Variants in SUPT3H observed in about 807,000 individuals in gnomAD.
SUPT3H encodes SPT3 homolog, SAGA and STAGA complex component.
SUPT3H carries 44 observed loss-of-function variants against 44.3 expected under a neutral mutation model. That is an observed-to-expected ratio of 0.99 (90% CI 0.78 to 1.28). SUPT3H has a LOEUF of 1.28. Ranked by LOEUF, SUPT3H falls within the 50% of genes most tolerant of loss-of-function variation. The pLI, the probability that SUPT3H is intolerant of heterozygous loss-of-function variation, is 0.00. For synonymous variants in SUPT3H, 124 were observed against 125.6 expected, an observed-to-expected ratio of 0.99 and a Z score of 0.09; for missense variants, 380 against 387.1, an observed-to-expected ratio of 0.98 and a Z score of 0.15.
chr6:45,267,686 C>T (rs990230282), intron 2 of SUPT3H, among the ~76,000 whole-genome samples: 1 of 152,158 alleles, frequency 6.6e-6, no homozygotes, highest in Non-Finnish European at 1.5e-5. Context: ...TACTTCTCTG[C>T]CTCTTGACTT....
At chr6:44,976,287 G>C (rs1277993268) in intron 6 of SUPT3H, among the ~76,000 whole-genome samples, 1 of 152,082 alleles carries the variant, frequency 6.6e-6, no homozygotes, top group African/African-American at 2.4e-5. Flanking sequence ...AAAATGCTTT[G>C]CTTCAGATGT....
chr6:44,901,570 G>C (rs1765062385), intron 10 of SUPT3H, among the ~76,000 whole-genome samples: 1 of 151,932 alleles, frequency 6.6e-6, no homozygotes, highest in Admixed American at 6.6e-5. Context: ...AAGTGACAGG[G>C]AGAATGGAAC....
intron 2 of SUPT3H, among the ~76,000 whole-genome samples, chr6:45,233,063 CA>C (rs1768372189): frequency 6.6e-6 from 1 of 152,166 alleles, no homozygotes; most frequent in African/African-American, 2.4e-5. Flanking sequence ...GGGGCAGGGT[CA>C]CTTCTCACAG....
chr6:45,320,205 T>C (rs1032480248), intron 2 of SUPT3H, among the ~76,000 whole-genome samples: 4 of 152,096 alleles, frequency 2.6e-5, no homozygotes, highest in Non-Finnish European at 5.9e-5. Flanking sequence ...TCTTCATTAT[T>C]ACAAGTCATT....
intron 3 of SUPT3H, among the ~76,000 whole-genome samples, chr6:45,022,330 A>T (rs2153518958): frequency 6.6e-6 from 1 of 152,096 alleles, no homozygotes. Flanking sequence ...ACATTCTCCA[A>T]AGTATCAGTT....
At position 45,063,381 on chromosome 6, in the gene SUPT3H, A is replaced by G. The variant is rs953960935; in HGVS notation, c.186+42541T>C. Among the ~76,000 whole-genome samples the G allele has an allele frequency of 2.0e-5, 3 of 151,486 alleles. 1 individual carries two copies. The highest frequency in any genetic ancestry group is 7.4e-5 in the African/African-American group (3 of 40,812). ...GGGGAAAAAACAGAACAGAAACTGG[A>G]AACTCTAAAATGCAGAGCGTCTCTC... On this transcript the variant is annotated intron_variant, in intron 3 of 10. Transcript: ENST00000371459.
At chr6:44,824,049 ATGTCTTC>A (rs1767557727), downstream of SUPT3H, among the ~76,000 whole-genome samples, 3 of 152,286 alleles carry the variant, frequency 2.0e-5, no homozygotes, top group South Asian at 4.2e-4. Context: ...CCAGTCACTC[ATGTCTTC>A]TGTCAATTGG....
chr6:44,885,857 G>A (rs1169368227), intron 10 of SUPT3H, among the ~76,000 whole-genome samples: 2 of 152,004 alleles, frequency 1.3e-5, no homozygotes, highest in African/African-American at 4.8e-5. Flanking sequence ...CAAAGAAGGT[G>A]AAAACTTTGA....
chr6:45,366,201 T>C lies in SUPT3H; in HGVS notation c.1-900A>G, dbSNP rs184133807. ...ATTTTTTGCAGTTTCTAAAGAAGAA[T>C]GTAAGATATTTAGAACATATGATAA... On this transcript the variant is annotated intron_variant, in intron 1 of 10. Transcript: ENST00000371459. 4.8e-3 allele frequency among the ~76,000 whole-genome samples: 727 copies of C among 152,304 alleles called. 8 individuals carry two copies. The highest frequency in any genetic ancestry group is 5.4e-3 in the Non-Finnish European group (364 of 68,020).
intron 3 of SUPT3H, among the ~76,000 whole-genome samples, chr6:45,029,909 C>A (rs1786652122): frequency 6.6e-6 from 1 of 152,124 alleles, no homozygotes; most frequent in Admixed American, 6.6e-5. Flanking sequence ...GGACTACAGG[C>A]ACATGCCATC....
chr6:45,073,707 T>C (rs932909143), intron 3 of SUPT3H, among the ~76,000 whole-genome samples: 19 of 151,998 alleles, frequency 1.3e-4, no homozygotes, highest in South Asian at 2.1e-4. Context: ...CACAGCTAAA[T>C]AGTTTCAGAA....
chr6:45,290,264 G>T (rs978951007), intron 2 of SUPT3H, among the ~76,000 whole-genome samples: 1 of 151,968 alleles, frequency 6.6e-6, no homozygotes, highest in Non-Finnish European at 1.5e-5. Context: ...AAGTAAAAAG[G>T]CTCTTGCTTT....
At chr6:44,834,637 A>G (rs560081521) in intron 10 of SUPT3H, among the ~76,000 whole-genome samples, 1 of 152,182 alleles carries the variant, frequency 6.6e-6, no homozygotes, top group East Asian at 1.9e-4. Context: ...TTAACAGATG[A>G]AAAAACTAAT....
chr6:45,288,031 G>A (rs1356973576), intron 2 of SUPT3H, among the ~76,000 whole-genome samples: 3 of 152,096 alleles, frequency 2.0e-5, no homozygotes, highest in African/African-American at 7.2e-5. Flanking sequence ...AGCCATTCAT[G>A]TATTTTATGA....
At chr6:45,125,887 T>C (rs1026415110) in intron 2 of SUPT3H, among the ~76,000 whole-genome samples, 2 of 152,300 alleles carry the variant, frequency 1.3e-5, no homozygotes, top group South Asian at 2.1e-4. Flanking sequence ...TCCAAAATTG[T>C]ATTACTCTTT....
intron 2 of SUPT3H, among the ~76,000 whole-genome samples, chr6:45,290,237 T>A (rs1008593428): frequency 6.6e-6 from 1 of 152,130 alleles, no homozygotes; most frequent in Non-Finnish European, 1.5e-5. Flanking sequence ...TCAATCTAAA[T>A]TTTAAAATCA....
At chr6:45,148,410 T>C (rs184615178) in intron 2 of SUPT3H, among the ~76,000 whole-genome samples, 14 of 152,246 alleles carry the variant, frequency 9.2e-5, no homozygotes, top group Non-Finnish European at 1.9e-4. Flanking sequence ...TGCAAATGTG[T>C]CCCAATCCAA....
intron 2 of SUPT3H, among the ~76,000 whole-genome samples, chr6:45,258,033 G>A (rs909192024): frequency 1.3e-5 from 2 of 152,196 alleles, no homozygotes; most frequent in East Asian, 1.9e-4. Flanking sequence ...CCCAGAAAAC[G>A]TAGCATTCCT....
chr6:44,997,173 G>T (rs1284687732), intron 6 of SUPT3H, among the ~76,000 whole-genome samples: 4 of 151,708 alleles, frequency 2.6e-5, no homozygotes, highest in Non-Finnish European at 5.9e-5. Context: ...AACTTCAGAT[G>T]AAGTCTAATA....
Sources: gnomAD v4.1 joint callset for allele counts (sites outside exome capture counted in the v4.1 genomes callset) on GRCh38, gnomAD v4.1.1 for gene constraint, MANE v1.5 for transcripts, NCBI Gene and HGNC (gene_info 2026-07-23, HGNC 2026-07-21) for gene names.